NCOR2: variants seen among roughly 807,000 people sequenced by gnomAD.
NCOR2 encodes the protein nuclear receptor corepressor 2.
In NCOR2, 81 loss-of-function variants were observed where a neutral mutation model predicts 262.9. The ratio of observed to expected loss-of-function variants is 0.31; its 90% CI spans 0.26 to 0.37. The LOEUF (loss-of-function observed/expected upper bound fraction) is 0.37. Among genes scored for constraint, NCOR2 ranks in the 10% least tolerant of loss-of-function variants. The pLI, the probability that NCOR2 is intolerant of heterozygous loss-of-function variation, is 1.00. For missense variants in NCOR2, 3,385 were observed against 3,621.4 expected (o/e 0.93, Z 1.68); for synonymous variants, 1,659 against 1,559.3 (o/e 1.06, Z -1.51).
At chr12:124,535,803 G>A (rs1049483478), upstream of NCOR2, among the ~76,000 whole-genome samples, 15 of 152,180 alleles carry the variant, frequency 9.9e-5, no homozygotes, top group Non-Finnish European at 1.8e-4. Context: ...GGAGACTGAC[G>A]CTCAGACAAT....
At chr12:124,429,050 G>A (rs2043760008) in intron 10 of NCOR2, among the ~76,000 whole-genome samples, 1 of 152,244 alleles carries the variant, frequency 6.6e-6, no homozygotes, top group East Asian at 1.9e-4. Context: ...ACCCCAGGGT[G>A]TCCTGGCACC....
rs1593224745 is a variant in NCOR2, at chr12:124,363,681, TG to T, written c.2925del (p.Ile976SerfsTer87). 3.1e-5 allele frequency: 39 copies of T among 1,274,778 alleles called. No individual in the cohort carries two copies. The highest frequency in any genetic ancestry group is 9.1e-5 in the Admixed American group (3 of 32,872). The allele number at this position is 1,274,778 out of a possible 1,614,324, so 79.0% of individuals were successfully genotyped here. A position where few individuals can be genotyped will look rare whatever the true frequency, so the allele number is the denominator to read the frequency against. On this transcript the variant is annotated frameshift_variant, in exon 21 of 47. Coordinates refer to ENST00000405201, the Ensembl canonical transcript of NCOR2. LOFTEE classifies it high-confidence loss of function. ...GGGCTCTGGGGGTGGGCACTCACGATGGGGGGGATGGCAGCCGCTCGCTGCT... is the reference window on the plus strand; with the variant it reads ...GGGCTCTGGGGGTGGGCACTCACGATGGGGGGATGGCAGCCGCTCGCTGCT...
chr12:124,429,348 T>C, intron 10 of NCOR2: 1 of 501,648 alleles, frequency 2.0e-6, no homozygotes, highest in East Asian at 3.4e-5. Flanking sequence ...CTCCCTGTTG[T>C]GGCATCTGGA....
At chr12:124,401,658 G>T (rs955116607) in intron 14 of NCOR2, among the ~76,000 whole-genome samples, 3 of 152,240 alleles carry the variant, frequency 2.0e-5, no homozygotes, top group African/African-American at 7.2e-5. Flanking sequence ...TCACAACCTC[G>T]ATACCCGAGC....
At chr12:124,508,830 C>T (rs948382823) in intron 1 of NCOR2, among the ~76,000 whole-genome samples, 5 of 152,170 alleles carry the variant, frequency 3.3e-5, no homozygotes, top group Non-Finnish European at 5.9e-5. Context: ...TGGCTTATGA[C>T]GTGGTCACTG....
Position 124,379,551 on chromosome 12 carries a change from G to T in NCOR2, c.2020-1167C>A, listed in dbSNP as rs1054963172. The stretch of plus-strand genomic sequence containing the variant: ...AGGGGGACTGGAAAGACACTGGGGG[G>T]TGCCCACCACAGCCTGGTGTGACGG... On this transcript the variant is annotated intron_variant, in intron 17 of 46. Transcript: ENST00000405201. 2.6e-5 allele frequency among the ~76,000 whole-genome samples: 4 copies of T among 152,198 alleles called. No individual in the cohort carries two copies. In the East Asian group the frequency reaches 7.7e-4, roughly 29 times the overall value.
chr12:124,515,751 T>C (rs2049721380), intron 1 of NCOR2, among the ~76,000 whole-genome samples: 1 of 152,104 alleles, frequency 6.6e-6, no homozygotes, highest in Non-Finnish European at 1.5e-5. Flanking sequence ...CGTGTGAGTA[T>C]ACATGTGGGT....
Position 124,342,091 on chromosome 12 carries a change from A to C in NCOR2, c.4937-17T>G. The C allele has an allele frequency of 1.0e-5, 16 of 1,594,668 alleles. No homozygotes were observed. Among genetic ancestry groups the C allele is most frequent in the Non-Finnish European group, 1.4e-5 (16 of 1,170,014 alleles). ...AGGCAGCGGCTGCGGGGCAGAGGGGAGCTCATGTGAGGCCAGCCATACCTA... is the reference window on the plus strand; with the variant it reads ...AGGCAGCGGCTGCGGGGCAGAGGGGCGCTCATGTGAGGCCAGCCATACCTA... On this transcript the variant is annotated splice_polypyrimidine_tract_variant and intron_variant, in intron 33 of 46. Coordinates refer to ENST00000405201, the Ensembl canonical transcript of NCOR2.
intron 1 of NCOR2, among the ~76,000 whole-genome samples, chr12:124,552,807 GT>G (rs968256579): frequency 5.9e-5 from 9 of 152,246 alleles, no homozygotes; most frequent in African/African-American, 1.9e-4. Flanking sequence ...TCCCATCTCA[GT>G]CCCCTGATTA....
intron 31 of NCOR2, among the ~76,000 whole-genome samples, chr12:124,345,517 T>C (rs1452665639): frequency 6.6e-6 from 1 of 152,202 alleles, no homozygotes; most frequent in Non-Finnish European, 1.5e-5. Flanking sequence ...CCCCTGCCTC[T>C]TTTCAGCAGG....
At chr12:124,325,388 C>CCCCCCCCCCCCCCCGGGGGGGG in exon 47 of NCOR2, 2 of 693,388 alleles carry the variant, frequency 2.9e-6, no homozygotes, top group Non-Finnish European at 2.0e-6. Flanking sequence ...CCCCCCCCCC[C>CCCCCCCCCCCCCCCGGGGGGGG]GCCCTGTTCT....
At chr12:124,325,381 C>CCCCCCCG in exon 47 of NCOR2, 1 of 380,678 alleles carries the variant, frequency 2.6e-6, no homozygotes, top group Non-Finnish European at 4.1e-6. Context: ...GACACCGCCC[C>CCCCCCCG]CCCCCCCGCC....
At chr12:124,330,045 ACCAT>A (rs1232488103) in intron 44 of NCOR2, among the ~76,000 whole-genome samples, 2 of 152,180 alleles carry the variant, frequency 1.3e-5, no homozygotes, top group African/African-American at 2.4e-5. Flanking sequence ...TCCTTCGCTC[ACCAT>A]TCCCAGGGCT....
At chr12:124,327,749 G>A (rs935449608) in intron 44 of NCOR2, 116 bp from the exon 47 acceptor site, 4 of 706,296 alleles carry the variant, frequency 5.7e-6, no homozygotes, top group African/African-American at 3.6e-5. Context: ...GGAGGAGGAG[G>A]AGAGAGAAAT....
intron 5 of NCOR2, among the ~76,000 whole-genome samples, chr12:124,461,550 C>A (rs1476511582): frequency 1.3e-5 from 2 of 152,258 alleles, no homozygotes; most frequent in East Asian, 1.9e-4. Flanking sequence ...GAGCACCAGA[C>A]CCACGTTACC....
chr12:124,521,109 G>C (rs960614875), intron 1 of NCOR2, among the ~76,000 whole-genome samples: 1 of 152,224 alleles, frequency 6.6e-6, no homozygotes, highest in African/African-American at 2.4e-5. Context: ...GGGGCCCAGG[G>C]GGGAGGTGGG....
intron 45 of NCOR2, among the ~76,000 whole-genome samples, chr12:124,326,647 C>T (rs2034676150): frequency 6.6e-6 from 1 of 152,080 alleles, no homozygotes; most frequent in Non-Finnish European, 1.5e-5. Context: ...CTGGGCTGTC[C>T]TGCAGCGACC....
intron 1 of NCOR2, among the ~76,000 whole-genome samples, chr12:124,564,882 G>A (rs1319193117): frequency 2.6e-5 from 4 of 151,548 alleles, no homozygotes; most frequent in Non-Finnish European, 4.4e-5. Context: ...CAACTCCCTC[G>A]GTGGGTGTCT....
exon 32 of NCOR2, chr12:124,344,793 C>G (rs1418216630): frequency 4.5e-6 from 7 of 1,552,212 alleles, no homozygotes; most frequent in Non-Finnish European, 6.1e-6. Flanking sequence ...TCTTCAGGCT[C>G]TCCTCGTAGC....
Sources: gnomAD v4.1 joint callset for allele counts (sites outside exome capture counted in the v4.1 genomes callset) on GRCh38, gnomAD v4.1.1 for gene constraint, MANE v1.5 for transcripts, NCBI Gene and HGNC (gene_info 2026-07-23, HGNC 2026-07-21) for gene names.